BEST3: variants seen among roughly 807,000 people sequenced by gnomAD.
The protein encoded by BEST3 is bestrophin 3.
BEST3 carries 50 observed loss-of-function variants against 47.1 expected under a neutral mutation model. The observed-to-expected ratio is 1.06, with a 90% CI of 0.85 to 1.34. The LOEUF is 1.34. Among genes scored for constraint, BEST3 ranks in the 40% most tolerant of loss-of-function variants. BEST3 has a pLI of 0.00. For missense variants in BEST3, 765 were observed against 817.0 expected (o/e 0.94, Z 0.78); for synonymous variants, 282 against 298.8 (o/e 0.94, Z 0.58).
chr12:69,676,925 TC>T lies in BEST3; in HGVS notation c.857del (p.Gly286AspfsTer5). 1 of 1,613,662 alleles carries T rather than the reference TC, an allele frequency of 6.2e-7. No individual in the cohort carries two copies. On this transcript the variant is annotated frameshift_variant, in exon 7 of 10. Coordinates refer to ENST00000330891, the MANE Select transcript of BEST3 (RefSeq NM_032735.3). LOFTEE classifies it high-confidence loss of function. The part of the protein sequence containing the change: ...FTLLQFFFYA[G>X]WLKVAEQLIN... ...TGAGACCACTGGCTACCTTAAGCCA[TC>T]CTGCATAGAAGAAGAATTGTAGGAG...
In BEST3 at chr12:69,693,520, C is replaced by T. The variant is rs147497472; in HGVS notation, c.481+154G>A. 3.1e-4 allele frequency among the ~76,000 whole-genome samples: 47 copies of T among 152,336 alleles called. No homozygotes were observed. In the East Asian group the frequency reaches 8.5e-3, roughly 27 times the overall value. ...CCTCAGATGATCCGCCCGCCTCCAC[C>T]TTCCAAAGTGCTGGGATTACAGGCA... On this transcript the variant is annotated intron_variant, in intron 4 of 9. Transcript: ENST00000330891.
chr12:69,655,416 C>T lies in BEST3; in HGVS notation c.1498G>A (p.Val500Ile), dbSNP rs746039339. The T allele has an allele frequency of 1.2e-6, 2 of 1,614,122 alleles. No individual in the cohort carries two copies. The change falls in exon 10 of 10, where the codon GTA becomes ATA. Residue 500 changes from valine to isoleucine, a missense_variant. Coordinates refer to ENST00000330891, the MANE Select transcript of BEST3 (RefSeq NM_032735.3). ...GCTGCTGTGATCAATACCTCAGGTA[C>T]CAGTGGCATTTTGATGGGGGAAGTT... ...VRTSPIKMPL[V>I]PEVLITAAEA...
intron 7 of BEST3, among the ~76,000 whole-genome samples, chr12:69,674,146 T>A (rs1324588587): frequency 6.6e-6 from 1 of 151,850 alleles, no homozygotes; most frequent in African/African-American, 2.4e-5. Flanking sequence ...TGGAAAAAAA[T>A]TTTAAATGTG....
intron 9 of BEST3, among the ~76,000 whole-genome samples, chr12:69,657,825 G>A (rs919438736): frequency 1.1e-4 from 17 of 152,320 alleles, no homozygotes; most frequent in Middle Eastern, 3.4e-3. Flanking sequence ...CTGGGACGGC[G>A]TTCGATTACA....
intron 9 of BEST3, among the ~76,000 whole-genome samples, chr12:69,665,514 AC>A (rs1351165984): frequency 1.3e-5 from 2 of 151,996 alleles, no homozygotes; most frequent in African/African-American, 2.4e-5. Flanking sequence ...AATTGCTTGA[AC>A]CCGGGAAGTG....
At chr12:69,689,497 A>C (rs1232648400) in intron 4 of BEST3, among the ~76,000 whole-genome samples, 2 of 152,218 alleles carry the variant, frequency 1.3e-5, no homozygotes, top group African/African-American at 4.8e-5. Flanking sequence ...CCAAGAGAAG[A>C]AAGTAGTTAT....
intron 4 of BEST3, among the ~76,000 whole-genome samples, chr12:69,680,553 C>G (rs1885198716): frequency 6.6e-6 from 1 of 152,000 alleles, no homozygotes. Context: ...GTGATCCGCC[C>G]TCCTCGGCCT....
intron 7 of BEST3, among the ~76,000 whole-genome samples, chr12:69,676,150 C>T (rs911345719): frequency 1.4e-4 from 22 of 152,310 alleles, no homozygotes; most frequent in African/African-American, 4.3e-4. Flanking sequence ...AAACCATTCT[C>T]ACCTCCTGAA....
At chr12:69,661,592 C>T (rs1319198204) in intron 9 of BEST3, among the ~76,000 whole-genome samples, 1 of 152,118 alleles carries the variant, frequency 6.6e-6, no homozygotes, top group Non-Finnish European at 1.5e-5. Context: ...TAACCATCTG[C>T]ACTGCAGAAT....
intron 9 of BEST3, 111 bp from the exon 10 acceptor site, chr12:69,655,924 T>A (rs1883463810): frequency 6.9e-7 from 1 of 1,452,694 alleles, no homozygotes; most frequent in East Asian, 2.4e-5. Flanking sequence ...ATAGATTTTT[T>A]AAATGGGGGT....
chr12:69,689,325 C>T (rs71454238), intron 4 of BEST3: 1,450 of 942,222 alleles, frequency 1.5e-3, no homozygotes, highest in Non-Finnish European at 1.7e-3. Context: ...CCGGTGACAG[C>T]GGGTGCCGGC....
chr12:69,685,208 T>C (rs1418167922), intron 4 of BEST3, among the ~76,000 whole-genome samples: 1 of 152,206 alleles, frequency 6.6e-6, no homozygotes, highest in Admixed American at 6.5e-5. Context: ...TCCTCTATTA[T>C]ATTGATATGA....
At chr12:69,653,239 A>G (rs184831180), downstream of BEST3, among the ~76,000 whole-genome samples, 5 of 152,308 alleles carry the variant, frequency 3.3e-5, no homozygotes, top group East Asian at 9.6e-4. Flanking sequence ...TGAATGCATA[A>G]AAGACGCAGG....
intron 4 of BEST3, among the ~76,000 whole-genome samples, chr12:69,686,377 T>C (rs1885586920): frequency 6.6e-6 from 1 of 152,178 alleles, no homozygotes; most frequent in Non-Finnish European, 1.5e-5. Context: ...AATTCCATGT[T>C]AGAGAAAAGC....
At chr12:69,685,403 T>A (rs1409894595) in intron 4 of BEST3, among the ~76,000 whole-genome samples, 1 of 152,232 alleles carries the variant, frequency 6.6e-6, no homozygotes, top group Non-Finnish European at 1.5e-5. Flanking sequence ...AATTTGCAGA[T>A]GAAATCGGAG....
downstream of BEST3, among the ~76,000 whole-genome samples, chr12:69,650,060 G>A (rs1036793890): frequency 3.3e-5 from 5 of 152,136 alleles, no homozygotes; most frequent in Non-Finnish European, 7.3e-5. Context: ...ACACAAAAAC[G>A]TAATCTCCAA....
At chr12:69,695,644 T>A (rs542075948) in intron 2 of BEST3, among the ~76,000 whole-genome samples, 12 of 152,354 alleles carry the variant, frequency 7.9e-5, no homozygotes, top group Middle Eastern at 3.4e-3. Flanking sequence ...GTGGAAAGCA[T>A]GGACCTTTTT....
At position 69,655,683 on chromosome 12, in the gene BEST3, TTCTTC is replaced by T. The variant is rs1365394884; in HGVS notation, c.1226_1230del (p.Arg409LysfsTer9). ...TCACTTGTCTGCCTCCTGTAGCTTC[TTCTTC>T]TGGGGCTGGAGGGGTGTTCGTGGGC... On this transcript the variant is annotated frameshift_variant, in exon 10 of 10. Transcript: ENST00000330891. LOFTEE classifies it low-confidence loss of function (END_TRUNC). 2 of 1,613,902 alleles carry T rather than the reference TTCTTC, an allele frequency of 1.2e-6. No homozygotes were observed. Among genetic ancestry groups the T allele is most frequent in the Non-Finnish European group, 1.7e-6 (2 of 1,179,996 alleles).
At chr12:69,689,932 T>G (rs1885848589) in intron 4 of BEST3, among the ~76,000 whole-genome samples, 1 of 152,104 alleles carries the variant, frequency 6.6e-6, no homozygotes, top group Non-Finnish European at 1.5e-5. Context: ...GCCAAAGCCT[T>G]TTGCCCCAGG....
Sources: allele counts gnomAD v4.1 joint callset (sites outside exome capture counted in the v4.1 genomes callset), GRCh38; gene constraint gnomAD v4.1.1; transcripts MANE v1.5; gene names NCBI Gene and HGNC (gene_info 2026-07-23, HGNC 2026-07-21).